The following ARHGAP32 variants were observed in gnomAD, a reference collection of about 807,000 sequenced individuals.
ARHGAP32 encodes Rho GTPase activating protein 32.
A neutral mutation model predicts 186.5 loss-of-function variants in ARHGAP32; 51 were observed. The observed-to-expected ratio is 0.27, with a 90% CI of 0.22 to 0.35. The LOEUF (loss-of-function observed/expected upper bound fraction) is 0.35, where lower values mean the gene tolerates loss of function less well. Ranked by LOEUF, ARHGAP32 falls within the 10% of genes least tolerant of loss-of-function variation. The pLI, the probability that ARHGAP32 is intolerant of heterozygous loss-of-function variation, is 1.00. For synonymous variants in ARHGAP32, 950 were observed against 964.3 expected, an observed-to-expected ratio of 0.99 and a Z score of 0.27; for missense variants, 2,186 against 2,623.5, an observed-to-expected ratio of 0.83 and a Z score of 3.64.
intron 1 of ARHGAP32, among the ~76,000 whole-genome samples, chr11:129,178,951 A>G (rs565488686): frequency 6.6e-6 from 1 of 152,272 alleles, no homozygotes; most frequent in East Asian, 1.9e-4. Context: ...ATGGGATCTA[A>G]TTAAACTAAA....
At chr11:129,063,421 C>T (rs1940580530) in intron 9 of ARHGAP32, among the ~76,000 whole-genome samples, 1 of 151,944 alleles carries the variant, frequency 6.6e-6, no homozygotes, top group African/African-American at 2.4e-5. Flanking sequence ...GTTCATTTCA[C>T]CTTTTATCTG....
At chr11:129,083,725 A>G (rs1401411527) in intron 6 of ARHGAP32, among the ~76,000 whole-genome samples, 1 of 152,214 alleles carries the variant, frequency 6.6e-6, no homozygotes, top group African/African-American at 2.4e-5. Flanking sequence ...AATAGAAAAG[A>G]AGAAACATCT....
intron 11 of ARHGAP32, among the ~76,000 whole-genome samples, chr11:129,017,280 C>T (rs796602914): frequency 1.3e-5 from 2 of 151,900 alleles, no homozygotes; most frequent in African/African-American, 4.8e-5. Flanking sequence ...ATGGCGAAAA[C>T]CTGTCTCTAC....
chr11:129,157,594 CTA>C (rs1288569643), intron 2 of ARHGAP32, among the ~76,000 whole-genome samples: 1 of 152,128 alleles, frequency 6.6e-6, no homozygotes, highest in Non-Finnish European at 1.5e-5. Flanking sequence ...AAGACCAAAT[CTA>C]TCTTTGGCTG....
At chr11:129,050,788 TC>T (rs1386756305) in intron 10 of ARHGAP32, among the ~76,000 whole-genome samples, 1 of 152,128 alleles carries the variant, frequency 6.6e-6, no homozygotes, top group African/African-American at 2.4e-5. Flanking sequence ...TGCTATCCGT[TC>T]CCTAGTCCCC....
chr11:129,261,544 T>G (rs932532269), intron 1 of ARHGAP32, among the ~76,000 whole-genome samples: 1 of 152,326 alleles, frequency 6.6e-6, no homozygotes, highest in Middle Eastern at 3.4e-3. Flanking sequence ...TTCAGTTGTC[T>G]ATGTGTGCAA....
At chr11:129,220,066 G>A (rs1944692871) in intron 1 of ARHGAP32, among the ~76,000 whole-genome samples, 1 of 152,124 alleles carries the variant, frequency 6.6e-6, no homozygotes, top group South Asian at 2.1e-4. Flanking sequence ...TATAGCACTT[G>A]CATAAATTAC....
chr11:128,990,253 C>T (rs1018924233), intron 12 of ARHGAP32, among the ~76,000 whole-genome samples: 1 of 152,186 alleles, frequency 6.6e-6, no homozygotes, highest in African/African-American at 2.4e-5. Context: ...TGGCTGAGCA[C>T]TGTGTTCTAT....
intron 6 of ARHGAP32, among the ~76,000 whole-genome samples, chr11:129,072,195 G>A (rs1940890377): frequency 6.6e-6 from 1 of 152,112 alleles, no homozygotes; most frequent in South Asian, 2.1e-4. Flanking sequence ...TTTGCTTCAG[G>A]CATTCTTCCC....
chr11:129,244,542 A>G (rs980291695), intron 1 of ARHGAP32, among the ~76,000 whole-genome samples: 2 of 151,338 alleles, frequency 1.3e-5, no homozygotes, highest in African/African-American at 2.4e-5. Context: ...CATGGGCAAG[A>G]ACTTCATGTC....
chr11:129,124,762 C>T (rs1942620351), intron 3 of ARHGAP32, 41 bp downstream of exon 3: 3 of 1,417,288 alleles, frequency 2.1e-6, no homozygotes, highest in Non-Finnish European at 1.9e-6. Context: ...GATTTCCATT[C>T]GTAGGAATTC....
At chr11:129,267,189 G>A (rs1016322260) in intron 1 of ARHGAP32, among the ~76,000 whole-genome samples, 10 of 152,118 alleles carry the variant, frequency 6.6e-5, no homozygotes, top group Non-Finnish European at 1.2e-4. Flanking sequence ...GTGAAACCCC[G>A]TCTCTCTAAC....
chr11:129,229,565 C>T (rs1439391742), intron 1 of ARHGAP32, among the ~76,000 whole-genome samples: 2 of 152,114 alleles, frequency 1.3e-5, no homozygotes, highest in Non-Finnish European at 2.9e-5. Flanking sequence ...CTGTGCAATC[C>T]CAATGCTGCC....
intron 10 of ARHGAP32, among the ~76,000 whole-genome samples, chr11:129,058,125 C>T (rs184829266): frequency 8.6e-5 from 13 of 151,712 alleles, no homozygotes; most frequent in Non-Finnish European, 1.2e-4. Context: ...ATCCTAGAAA[C>T]AGCTCCCACT....
intron 1 of ARHGAP32, among the ~76,000 whole-genome samples, chr11:129,212,912 CAA>C (rs1258001232): frequency 7.2e-5 from 9 of 125,362 alleles, no homozygotes; most frequent in Non-Finnish European, 8.6e-5. Flanking sequence ...AATGTAGGTG[CAA>C]AAAAAAAAAA....
intron 11 of ARHGAP32, among the ~76,000 whole-genome samples, chr11:129,031,491 C>G (rs1229837026): frequency 3.9e-5 from 6 of 152,182 alleles, no homozygotes; most frequent in Non-Finnish European, 8.8e-5. Flanking sequence ...AAATTTAACA[C>G]CTGCATTAAA....
chr11:128,997,348 A>T (rs1387354172), intron 12 of ARHGAP32, among the ~76,000 whole-genome samples: 2 of 152,186 alleles, frequency 1.3e-5, no homozygotes, highest in Non-Finnish European at 2.9e-5. Flanking sequence ...TTAAATTCCT[A>T]AGTCCACTGA....
chr11:129,235,146 G>A (rs149495608), intron 1 of ARHGAP32, among the ~76,000 whole-genome samples: 16 of 152,268 alleles, frequency 1.1e-4, no homozygotes, highest in South Asian at 2.1e-4. Flanking sequence ...GTGTGGCCCT[G>A]CTGACATCTT....
At chr11:129,093,827 CATATCTT>C in intron 5 of ARHGAP32, 120 bp from the exon 6 acceptor site, 1 of 684,292 alleles carries the variant, frequency 1.5e-6, no homozygotes, top group Admixed American at 2.6e-5. Flanking sequence ...TAATGTGAGA[CATATCTT>C]ATATGAGAAC....
Sources: allele counts gnomAD v4.1 joint callset (sites outside exome capture counted in the v4.1 genomes callset), GRCh38; gene constraint gnomAD v4.1.1; transcripts MANE v1.5; gene names NCBI Gene and HGNC (gene_info 2026-07-23, HGNC 2026-07-21).